DYNC2H1: variants seen among roughly 807,000 people sequenced by gnomAD.
DYNC2H1 encodes the protein cytoplasmic dynein 2 heavy chain 1.
DYNC2H1 carries 410 observed loss-of-function variants against 570.0 expected under a neutral mutation model. The observed-to-expected ratio is 0.72, with a 90% confidence interval of 0.66 to 0.78. DYNC2H1 has a LOEUF of 0.78. Ranked by LOEUF, DYNC2H1 falls within the 30% of genes least tolerant of loss-of-function variation. The probability of loss-of-function intolerance (pLI) is 0.00; values close to 1 mark genes in which losing one functional copy is unlikely to be tolerated. For synonymous variants in DYNC2H1, 1,688 were observed against 1,677.6 expected, an observed-to-expected ratio of 1.01 and a Z score of -0.15; for missense variants, 4,865 against 5,046.4, an observed-to-expected ratio of 0.96 and a Z score of 1.09.
At chr11:103,422,102 T>G (rs1286037915) in intron 84 of DYNC2H1, among the ~76,000 whole-genome samples, 1 of 152,000 alleles carries the variant, frequency 6.6e-6, no homozygotes, top group Admixed American at 6.6e-5. Flanking sequence ...AAGAAATGGA[T>G]AAATTCCTGG....
Position 103,186,460 on chromosome 11 carries a change from A to G in DYNC2H1, c.6852A>G (p.Lys2284=). Residue 2284 remains lysine (K), a synonymous_variant, in exon 42 of 89, where the codon AAA becomes AAG. Transcript: ENST00000375735. The surrounding 1 kb of genome is among the most constrained non-coding windows in gnomAD (Gnocchi z 4.5). ...YFKPWLSSDT[K]QPFILVGPEG... ...AACCATGGTTAAGTTCTGATACTAA[A>G]CAGCCCTTTATTCTGGTAGGACCAG... 1 of 1,612,320 alleles carries G rather than the reference A, an allele frequency of 6.2e-7. No homozygotes were observed. The highest frequency in any genetic ancestry group is 1.7e-5 in the Admixed American group (1 of 59,860).
At chr11:103,476,575 G>A (rs1591813038) in intron 88 of DYNC2H1, among the ~76,000 whole-genome samples, 1 of 152,292 alleles carries the variant, frequency 6.6e-6, no homozygotes, top group Admixed American at 6.5e-5. Flanking sequence ...ATTTAGGACA[G>A]ATGGTGTTTT....
chr11:103,407,328 G>A (rs1051994632), intron 84 of DYNC2H1: 8 of 151,806 alleles, frequency 5.3e-5, no homozygotes, highest in Non-Finnish European at 1.2e-4. Context: ...TCGCGTAATA[G>A]GTAGCACAGA....
chr11:103,206,795 GTAT>G (rs1238226482), intron 52 of DYNC2H1, among the ~76,000 whole-genome samples: 1 of 152,158 alleles, frequency 6.6e-6, no homozygotes, highest in Non-Finnish European at 1.5e-5. Context: ...GGAAAAAGCC[GTAT>G]TGGAATACGT....
chr11:103,394,308 C>A (rs940768770), intron 83 of DYNC2H1, among the ~76,000 whole-genome samples: 1 of 152,166 alleles, frequency 6.6e-6, no homozygotes, highest in Non-Finnish European at 1.5e-5. Context: ...GGTTCCACAT[C>A]TGCAAATTCA....
Position 103,369,586 on chromosome 11 carries a change from A to C in DYNC2H1, c.12156+11227A>C, listed in dbSNP as rs1941059507. On this transcript the variant is annotated intron_variant, in intron 83 of 88. Transcript: ENST00000375735. This position sits in a 1 kb window ranked among gnomAD's most constrained non-coding sequence, Gnocchi z 4.0. Reference sequence around the variant, plus strand: ...TCTGTTTGAGGAGAGGAGGGTAAAAAGTGGGGAGGATTTTGTCTTGCATCT... The same window carrying C: ...TCTGTTTGAGGAGAGGAGGGTAAAACGTGGGGAGGATTTTGTCTTGCATCT... Among the ~76,000 whole-genome samples the C allele has an allele frequency of 6.6e-6, 1 of 152,230 alleles. No homozygotes were observed. Among genetic ancestry groups the C allele is most frequent in the Non-Finnish European group, 1.5e-5 (1 of 68,006 alleles).
In DYNC2H1 at chr11:103,382,324, A is replaced by G. The variant is rs180732689; in HGVS notation, c.12157-17339A>G. On this transcript the variant is annotated intron_variant, in intron 83 of 88. Transcript: ENST00000375735. ...TTTTTTTCTGAACAAGAGTTGAACC[A>G]GTAACTATATTTTTGTCCAGAATGT... 2.6e-3 allele frequency among the ~76,000 whole-genome samples: 400 copies of G among 152,334 alleles called. 4 individuals carry two copies. The highest frequency in any genetic ancestry group is 8.9e-3 in the African/African-American group (368 of 41,578).
chr11:103,459,166 G>A (rs1009956827), intron 87 of DYNC2H1, among the ~76,000 whole-genome samples: 2 of 149,834 alleles, frequency 1.3e-5, no homozygotes, highest in Non-Finnish European at 3.0e-5. Context: ...AAAATTAGCC[G>A]GGCGTAGTGG....
rs1565425482 is a variant in DYNC2H1, at chr11:103,243,621, A to G, written c.9820-72A>G. ...ATTTAGTAATTGATTTATAATTTCT[A>G]GAAAACTATTTCCATTTAAATGAAA... On this transcript the variant is annotated intron_variant, in intron 63 of 88. Coordinates refer to ENST00000375735, the MANE Select transcript of DYNC2H1 (RefSeq NM_001377.3). The surrounding 1 kb of genome is among the most constrained non-coding windows in gnomAD (Gnocchi z 4.8). 7 of 1,147,996 alleles carry G rather than the reference A, an allele frequency of 6.1e-6. No homozygotes were observed. The highest frequency in any genetic ancestry group is 8.6e-6 in the Non-Finnish European group (7 of 810,364). The allele number at this position is 1,147,996 out of a possible 1,614,324, so 71.1% of individuals were successfully genotyped here.
chr11:103,129,619 G>A lies in DYNC2H1; in HGVS notation c.1953+614G>A, dbSNP rs571577167. 2.7e-4 allele frequency among the ~76,000 whole-genome samples: 41 copies of A among 152,220 alleles called. No homozygotes were observed. The highest frequency in any genetic ancestry group is 4.4e-4 in the Non-Finnish European group (30 of 68,014). Reference sequence around the variant, plus strand: ...GAATCACTTGAACCCAGGAGGTGGAGGTTGCAGTGGGTCGAGATCGTGCCA... The same window carrying A: ...GAATCACTTGAACCCAGGAGGTGGAAGTTGCAGTGGGTCGAGATCGTGCCA... On this transcript the variant is annotated intron_variant, in intron 13 of 88. Transcript: ENST00000375735. This position sits in a 1 kb window ranked among gnomAD's most constrained non-coding sequence, Gnocchi z 4.1.
chr11:103,382,710 T>A (rs188368120), intron 83 of DYNC2H1, among the ~76,000 whole-genome samples: 1 of 152,330 alleles, frequency 6.6e-6, no homozygotes, highest in African/African-American at 2.4e-5. Flanking sequence ...GTTCTGTATG[T>A]CCCAGGTGAA....
In DYNC2H1 at chr11:103,154,679, T is replaced by G. The variant is rs1253776724; in HGVS notation, c.3459-16T>G. The G allele has an allele frequency of 6.4e-7, 1 of 1,565,420 alleles. No individual in the cohort carries two copies. The highest frequency in any genetic ancestry group is 8.7e-7 in the Non-Finnish European group (1 of 1,155,984). ...TTTGGATGTAATCTTTGCAATGTGTTTTTGGTATTTTATAGGACTAAGACA... is the reference window on the plus strand; with the variant it reads ...TTTGGATGTAATCTTTGCAATGTGTGTTTGGTATTTTATAGGACTAAGACA... On this transcript the variant is annotated splice_polypyrimidine_tract_variant and intron_variant, in intron 23 of 88. Transcript: ENST00000375735.
At chr11:103,431,116 C>T (rs1219088834) in intron 84 of DYNC2H1, among the ~76,000 whole-genome samples, 3 of 150,994 alleles carry the variant, frequency 2.0e-5, no homozygotes, top group East Asian at 2.0e-4. Flanking sequence ...TGGTTACAGC[C>T]GGTTCTGCTT....
intron 70 of DYNC2H1, among the ~76,000 whole-genome samples, chr11:103,262,057 C>A (rs533129756): frequency 1.3e-5 from 2 of 152,108 alleles, no homozygotes; most frequent in Admixed American, 1.3e-4. Flanking sequence ...GAAGCATACA[C>A]AAGTATCAAT....
intron 84 of DYNC2H1, among the ~76,000 whole-genome samples, chr11:103,414,402 C>T (rs181638348): frequency 9.1e-5 from 10 of 109,614 alleles, no homozygotes; most frequent in Non-Finnish European, 1.4e-4. Context: ...ACATGGATCA[C>T]GAGGTCAGGA....
chr11:103,383,068 G>A (rs1259120008), intron 83 of DYNC2H1, among the ~76,000 whole-genome samples: 1 of 152,184 alleles, frequency 6.6e-6, no homozygotes, highest in Admixed American at 6.5e-5. Context: ...AGACCTCTGA[G>A]GAAGGAGTGC....
intron 88 of DYNC2H1, among the ~76,000 whole-genome samples, chr11:103,473,265 A>G (rs1945447832): frequency 6.7e-6 from 1 of 149,422 alleles, no homozygotes; most frequent in East Asian, 2.0e-4. Flanking sequence ...CATTCACACT[A>G]TTTATTCATT....
At position 103,160,989 on chromosome 11, in the gene DYNC2H1, T is replaced by C. The variant is rs942113096; in HGVS notation, c.4436T>C (p.Leu1479Ser). Residue 1479 changes from leucine (L) to serine (S), a missense_variant, in exon 29 of 89, where the codon TTA (leucine) becomes TCA (serine). Around this residue, in one of 5 missense-constraint regions of DYNC2H1, gnomAD observed 1,936 missense variants for 1,962.1 expected, o/e 0.99. Transcript: ENST00000375735. ...AAACATATAACTGCAATGAAATCTT[T>C]AGAGGGAGAAGTTGTACCTTTTAAA... is the stretch of plus-strand genomic sequence containing the variant. ...KSKHITAMKSLEGEVVPFKNK... is the reference protein window; with the variant it reads ...KSKHITAMKSSEGEVVPFKNK... The C allele has an allele frequency of 6.4e-7, 1 of 1,572,160 alleles. No individual in the cohort carries two copies. Among genetic ancestry groups the C allele is most frequent in the Non-Finnish European group, 8.6e-7 (1 of 1,161,590 alleles).
chr11:103,329,097 AC>A (rs111327610), intron 82 of DYNC2H1, among the ~76,000 whole-genome samples: 3,517 of 152,176 alleles, frequency 0.023, 136 homozygotes, highest in African/African-American at 0.081. Context: ...TACATCTGTG[AC>A]AGAGGAAGCT....
Sources: gnomAD v4.1 joint callset for allele counts (sites outside exome capture counted in the v4.1 genomes callset) on GRCh38, gnomAD v4.1.1 for gene constraint, gnomAD v4.1.1 regional missense constraint, Gnocchi (gnomAD v3.1) non-coding constraint, MANE v1.5 for transcripts, NCBI Gene and HGNC (gene_info 2026-07-23, HGNC 2026-07-21) for gene names.